MARCHF7: variants seen among roughly 807,000 people sequenced by gnomAD.
MARCHF7 encodes membrane associated ring-CH-type finger 7.
In MARCHF7, 20 loss-of-function variants were observed where a neutral mutation model predicts 76.5. That is an observed-to-expected ratio of 0.26 (90% CI 0.18 to 0.38). The LOEUF (loss-of-function observed/expected upper bound fraction) is 0.38, where lower values mean the gene tolerates loss of function less well. MARCHF7 is among the 10% of genes least tolerant of loss of function. The pLI, the probability that MARCHF7 is intolerant of heterozygous loss-of-function variation, is 1.00. For synonymous variants in MARCHF7, 295 were observed against 293.0 expected (o/e 1.01, Z -0.07); for missense variants, 797 against 812.9 (o/e 0.98, Z 0.24).
intron 3 of MARCHF7, among the ~76,000 whole-genome samples, chr2:159,724,486 C>T (rs547381836): frequency 8.5e-5 from 13 of 152,132 alleles, no homozygotes; most frequent in Non-Finnish European, 1.9e-4. Context: ...AATTATAACT[C>T]TCTAGATAAT....
At chr2:159,723,487 C>T (rs1009306741) in intron 3 of MARCHF7, among the ~76,000 whole-genome samples, 4 of 152,190 alleles carry the variant, frequency 2.6e-5, no homozygotes, top group Non-Finnish European at 5.9e-5. Context: ...CAGTCCTTTT[C>T]CTTACCCTTT....
intron 10 of MARCHF7, among the ~76,000 whole-genome samples, chr2:159,764,076 A>G (rs1707422877): frequency 6.6e-6 from 1 of 152,226 alleles, no homozygotes; most frequent in South Asian, 2.1e-4. Context: ...AAAAGTTCAT[A>G]TTAACAAGTT....
At chr2:159,714,424 G>A (rs1700800209) in intron 1 of MARCHF7, 133 bp from the exon 2 acceptor site, 1 of 152,142 alleles carries the variant, frequency 6.6e-6, no homozygotes, top group Non-Finnish European at 1.5e-5. Flanking sequence ...GGTTCTGTGG[G>A]AGCATAGGGG....
At chr2:159,733,774 G>T (rs1350539084) in intron 4 of MARCHF7, 1 of 985,212 alleles carries the variant, frequency 1.0e-6, no homozygotes, top group Non-Finnish European at 1.2e-6. Flanking sequence ...AGTTAACATG[G>T]ATATTTGTGT....
rs185254446 is a variant in MARCHF7, at chr2:159,731,113, C to T, written c.153+1938C>T. On this transcript the variant is annotated intron_variant, in intron 4 of 11. Transcript: ENST00000409175. Reference sequence around the variant, plus strand: ...TTCGCTATGTTGCCCAGGCAGGTCTCACACTCCTGGGCTCAACCATTCTGC... The same window carrying T: ...TTCGCTATGTTGCCCAGGCAGGTCTTACACTCCTGGGCTCAACCATTCTGC... 1.1e-3 allele frequency among the ~76,000 whole-genome samples: 163 copies of T among 152,244 alleles called. 1 individual carries two copies. Among genetic ancestry groups the T allele is most frequent in the Middle Eastern group, 3.4e-3 (1 of 294 alleles).
intron 9 of MARCHF7, among the ~76,000 whole-genome samples, chr2:159,761,538 C>G (rs1340585986): frequency 1.5e-5 from 2 of 131,668 alleles, no homozygotes; most frequent in Non-Finnish European, 3.6e-5. Context: ...CCTCAGCCTC[C>G]CAAGTAGCTG....
At chr2:159,723,976 G>A (rs1355298132) in intron 3 of MARCHF7, among the ~76,000 whole-genome samples, 1 of 152,030 alleles carries the variant, frequency 6.6e-6, no homozygotes, top group Non-Finnish European at 1.5e-5. Flanking sequence ...TCCCCCTTAA[G>A]TTCCCCTTTA....
chr2:159,721,819 C>T (rs759674675), intron 3 of MARCHF7, among the ~76,000 whole-genome samples: 127 of 152,280 alleles, frequency 8.3e-4, no homozygotes, highest in Middle Eastern at 3.4e-3. Context: ...ACTTATAAAA[C>T]ACAAATTCAA....
chr2:159,754,805 G>T (rs1452281760), intron 8 of MARCHF7, among the ~76,000 whole-genome samples: 1 of 152,150 alleles, frequency 6.6e-6, no homozygotes, highest in African/African-American at 2.4e-5. Flanking sequence ...GACTCCCTGT[G>T]TTAATTGCAT....
chr2:159,735,699 A>G (rs6432557), intron 4 of MARCHF7, among the ~76,000 whole-genome samples: 52,465 of 152,044 alleles, frequency 0.35, 9,256 homozygotes, highest in South Asian at 0.44. Context: ...CATTGTATGG[A>G]TATGCCATAT....
Position 159,748,740 on chromosome 2 carries a change from T to C in MARCHF7, c.1450T>C (p.Phe484Leu), listed in dbSNP as rs777719063. 3 of 1,614,060 alleles carry C rather than the reference T, an allele frequency of 1.9e-6. No homozygotes were observed. Among genetic ancestry groups the C allele is most frequent in the Non-Finnish European group, 2.5e-6 (3 of 1,180,044 alleles). The change falls in exon 7 of 12, where the codon TTC becomes CTC. Residue 484 changes from phenylalanine to leucine, a missense_variant. Transcript: ENST00000409175. ...GISGILPGSL[F>L]RFAVPPALGS... ...ATCAGGGATTCTTCCTGGTTCCTTATTCCGGTTTGCAGTCCCTCCAGCACT... is the reference window on the plus strand; with the variant it reads ...ATCAGGGATTCTTCCTGGTTCCTTACTCCGGTTTGCAGTCCCTCCAGCACT...
intron 4 of MARCHF7, among the ~76,000 whole-genome samples, chr2:159,737,205 G>T (rs889912734): frequency 6.6e-6 from 1 of 152,144 alleles, no homozygotes; most frequent in Non-Finnish European, 1.5e-5. Flanking sequence ...AAATTTGTGT[G>T]CATCGATACC....
chr2:159,745,065 A>G (rs925579110), intron 5 of MARCHF7, among the ~76,000 whole-genome samples: 3 of 152,132 alleles, frequency 2.0e-5, no homozygotes, highest in Non-Finnish European at 4.4e-5. Context: ...GATGCCTTTG[A>G]TTTTGATACT....
intron 8 of MARCHF7, among the ~76,000 whole-genome samples, chr2:159,758,756 A>G (rs895324846): frequency 6.6e-6 from 1 of 152,218 alleles, no homozygotes; most frequent in Non-Finnish European, 1.5e-5. Flanking sequence ...TAAGGCAGAC[A>G]TATTCCTTAA....
At chr2:159,765,144 T>A (rs1707610097) in intron 11 of MARCHF7, among the ~76,000 whole-genome samples, 2 of 152,112 alleles carry the variant, frequency 1.3e-5, no homozygotes, top group South Asian at 4.1e-4. Flanking sequence ...TCTGAATCCA[T>A]ATCAGAAGCC....
At position 159,768,988 on chromosome 2, in the gene MARCHF7, ATTC is replaced by A. The variant is rs1282884071; in HGVS notation, c.*1649_*1651del. The A allele has an allele frequency of 6.6e-6, 1 of 152,210 alleles. No individual in the cohort carries two copies. The highest frequency in any genetic ancestry group is 2.4e-5 in the African/African-American group (1 of 41,450). 9.4% of individuals were successfully genotyped at this position (152,210 alleles called of 1,614,324 possible). A position where few individuals can be genotyped will look rare whatever the true frequency, so the allele number is the denominator to read the frequency against. On this transcript the variant is annotated 3_prime_UTR_variant, in exon 12 of 12. Coordinates refer to ENST00000409175, the MANE Select transcript of MARCHF7 (RefSeq NM_001282805.2). Reference sequence around the variant, plus strand: ...ATAACAATGGCTTAAGCTTTACAGTATTCTTGTAGTTCCCTAGTACCACTTAGT... The same window carrying A: ...ATAACAATGGCTTAAGCTTTACAGTATTGTAGTTCCCTAGTACCACTTAGT...
intron 4 of MARCHF7, among the ~76,000 whole-genome samples, chr2:159,734,526 A>G (rs1337865558): frequency 6.6e-6 from 1 of 152,208 alleles, no homozygotes; most frequent in Non-Finnish European, 1.5e-5. Context: ...CAGATAGAAT[A>G]CTGAGAGTAA....
intron 3 of MARCHF7, among the ~76,000 whole-genome samples, chr2:159,718,367 A>G (rs1701268062): frequency 1.3e-5 from 2 of 152,146 alleles, no homozygotes; most frequent in South Asian, 4.1e-4. Context: ...ATATTTATTA[A>G]TACATTAACA....
intron 4 of MARCHF7, chr2:159,733,302 A>G (rs1703040315): frequency 1.6e-6 from 1 of 640,400 alleles, no homozygotes; most frequent in Non-Finnish European, 1.9e-6. Flanking sequence ...TAGTAGCACA[A>G]TCTCAGCTCA....
Sources: allele counts gnomAD v4.1 joint callset (sites outside exome capture counted in the v4.1 genomes callset), GRCh38; gene constraint gnomAD v4.1.1; transcripts MANE v1.5; gene names NCBI Gene and HGNC (gene_info 2026-07-23, HGNC 2026-07-21).